The following GPR107 variants were observed in gnomAD, a reference collection of about 807,000 sequenced individuals.
The protein encoded by GPR107 is protein GPR107.
GPR107 carries 31 observed loss-of-function variants against 75.5 expected under a neutral mutation model. The ratio of observed to expected loss-of-function variants is 0.41; its 90% CI spans 0.31 to 0.55. GPR107 has a LOEUF of 0.55. Ranked by LOEUF, GPR107 falls within the 20% of genes least tolerant of loss-of-function variation. GPR107 has a pLI of 0.26. For synonymous variants in GPR107, 267 were observed against 251.3 expected (o/e 1.06, Z -0.59); for missense variants, 572 against 665.7 (o/e 0.86, Z 1.55).
intron 14 of GPR107, among the ~76,000 whole-genome samples, chr9:130,115,541 G>A (rs925199972): frequency 6.6e-5 from 10 of 151,898 alleles, no homozygotes; most frequent in South Asian, 2.1e-4. Context: ...GAGGTAGGTG[G>A]GTTGCTTGAG....
rs139865791 is a variant in GPR107 at position 130,139,860 on chromosome 9, G to T, written c.*4739G>T. ...CATGGGGGCTTTGACTCTTCAAACA[G>T]CTTTTGCAGATCGTAAATTGCATTT... On this transcript the variant is annotated 3_prime_UTR_variant, in exon 18 of 18. Transcript: ENST00000347136. 6.6e-6 allele frequency: 1 copy of T among 152,332 alleles called. No individual in the cohort carries two copies. Among genetic ancestry groups the T allele is most frequent in the African/African-American group, 2.4e-5 (1 of 41,568 alleles). The allele number at this position is 152,332 out of a possible 1,614,324, so 9.4% of individuals were successfully genotyped here.
In GPR107 at chr9:130,131,421, C is replaced by G. The variant is rs545881762; in HGVS notation, c.1562+2660C>G. ...TCTCCTTGAGTTCACTTCTGCCACT[C>G]CCAGTCCTGGCCACACACTGAAGCT... On this transcript the variant is annotated intron_variant, in intron 17 of 17. Transcript: ENST00000347136. 4.6e-5 allele frequency among the ~76,000 whole-genome samples: 7 copies of G among 152,210 alleles called. No individual in the cohort carries two copies. In the East Asian group the frequency reaches 1.4e-3, roughly 29 times the overall value.
intron 14 of GPR107, among the ~76,000 whole-genome samples, chr9:130,111,390 G>T (rs1397300429): frequency 1.3e-5 from 2 of 152,030 alleles, no homozygotes; most frequent in African/African-American, 4.8e-5. Flanking sequence ...AAATTATCGG[G>T]GCTTGATGGC....
rs1831600268 is a variant in GPR107 at position 130,123,520 on chromosome 9, CT to C, written c.1307-1391del. Among the ~76,000 whole-genome samples the C allele has an allele frequency of 5.1e-5, 2 of 39,256 alleles. 1 individual carries two copies. Among genetic ancestry groups the C allele is most frequent in the Middle Eastern group, 0.026 (2 of 76 alleles). 25.8% of individuals were successfully genotyped at this position (39,256 alleles called of 152,430 possible). ...CCCGGCCTATTTCTTTTTTTTCTTT[CT>C]TTTCTTTTCTTTTTTTTTTTTTTTT... On this transcript the variant is annotated intron_variant, in intron 14 of 17. Transcript: ENST00000347136.
chr9:130,097,508 A>C (rs1040632158), intron 9 of GPR107, among the ~76,000 whole-genome samples: 1 of 152,044 alleles, frequency 6.6e-6, no homozygotes, highest in South Asian at 2.1e-4. Flanking sequence ...ATATAGGTTT[A>C]TACGTCTACC....
Position 130,077,389 on chromosome 9 carries a change from C to T in GPR107, c.386+11C>T. 7.6e-7 allele frequency: 1 copy of T among 1,317,850 alleles called. No individual in the cohort carries two copies. The highest frequency in any genetic ancestry group is 1.1e-6 in the Non-Finnish European group (1 of 909,154). 81.6% of individuals were successfully genotyped at this position (1,317,850 alleles called of 1,614,324 possible). A position where few individuals can be genotyped will look rare whatever the true frequency, so the allele number is the denominator to read the frequency against. ...CATCTCCAGAAGTGAGTAAGTAATT[C>T]TAAAGTTCCTTCAGTTCAGTCCTAG... On this transcript the variant is annotated intron_variant, in intron 4 of 17. Transcript: ENST00000347136.
intron 14 of GPR107, among the ~76,000 whole-genome samples, chr9:130,119,147 T>C (rs1831493306): frequency 6.6e-6 from 1 of 152,208 alleles, no homozygotes; most frequent in Non-Finnish European, 1.5e-5. Context: ...GACCCCAGGC[T>C]GCGACCTGCT....
intron 1 of GPR107, among the ~76,000 whole-genome samples, chr9:130,056,692 G>A (rs1285808268): frequency 1.3e-5 from 2 of 151,862 alleles, no homozygotes; most frequent in Non-Finnish European, 1.5e-5. Context: ...TTGGGAGGCC[G>A]AGATGGGCGG....
At chr9:130,130,888 A>AAC (rs797038889) in intron 17 of GPR107, among the ~76,000 whole-genome samples, 60 of 151,190 alleles carry the variant, frequency 4.0e-4, no homozygotes, top group African/African-American at 1.4e-3. Context: ...AAAAAAAAAA[A>AAC]AAAAACGCAT....
At position 130,076,476 on chromosome 9, in the gene GPR107, G is replaced by A. The variant is rs757854714; in HGVS notation, c.306+14G>A. ...TCTTCTTACCTGGTGAGTATTAAATGTGTGACCTGATTCATCTCTTCACCT... is the reference window on the plus strand; with the variant it reads ...TCTTCTTACCTGGTGAGTATTAAATATGTGACCTGATTCATCTCTTCACCT... On this transcript the variant is annotated intron_variant, in intron 3 of 17. Coordinates refer to ENST00000347136, the MANE Select transcript of GPR107 (RefSeq NM_020960.5). The A allele has an allele frequency of 2.0e-6, 3 of 1,507,378 alleles. No individual in the cohort carries two copies. The Admixed American group carries it at 5.0e-5, about 25-fold the overall frequency. 93.4% of individuals were successfully genotyped at this position (1,507,378 alleles called of 1,614,324 possible).
chr9:130,117,214 T>C (rs1037242116), intron 14 of GPR107, among the ~76,000 whole-genome samples: 3 of 152,128 alleles, frequency 2.0e-5, no homozygotes, highest in African/African-American at 7.2e-5. Flanking sequence ...CCCATAGTGC[T>C]GAGATTACAG....
At chr9:130,099,260 A>T (rs1173826104) in intron 9 of GPR107, among the ~76,000 whole-genome samples, 197 bp from the exon 10 acceptor site, 1 of 151,922 alleles carries the variant, frequency 6.6e-6, no homozygotes, top group Non-Finnish European at 1.5e-5. Flanking sequence ...GGCTGCAGTG[A>T]GCCGTGATGA....
At chr9:130,082,860 G>A (rs540893421) in intron 5 of GPR107, among the ~76,000 whole-genome samples, 2 of 152,124 alleles carry the variant, frequency 1.3e-5, no homozygotes, top group East Asian at 3.9e-4. Context: ...CTTGCTGTAG[G>A]GAGGAAAGTA....
chr9:130,065,172 C>T (rs532777763), intron 1 of GPR107, among the ~76,000 whole-genome samples: 52 of 152,256 alleles, frequency 3.4e-4, no homozygotes, highest in South Asian at 2.9e-3. Context: ...TATTCGCAGC[C>T]GGGCACGGTG....
chr9:130,125,179 A>T (rs567885098), intron 15 of GPR107, among the ~76,000 whole-genome samples: 7 of 134,280 alleles, frequency 5.2e-5, no homozygotes, highest in Non-Finnish European at 9.3e-5. Context: ...GCTCACTGCA[A>T]TCTCCACTTC....
At chr9:130,066,986 C>CAA (rs756449761) in intron 1 of GPR107, among the ~76,000 whole-genome samples, 1 of 120,134 alleles carries the variant, frequency 8.3e-6, no homozygotes, top group Non-Finnish European at 1.8e-5. Context: ...ACTCCGTCTC[C>CAA]AAAAAAAAAA....
intron 2 of GPR107, 69 bp from the exon 3 acceptor site, chr9:130,076,343 G>T: frequency 3.1e-6 from 3 of 971,280 alleles, no homozygotes; most frequent in South Asian, 1.3e-5. Context: ...CACTTTTTCT[G>T]CTTTTTGAGT....
intron 7 of GPR107, among the ~76,000 whole-genome samples, chr9:130,086,766 C>CCCCA (rs1354196626): frequency 1.3e-5 from 2 of 152,030 alleles, no homozygotes; most frequent in Non-Finnish European, 2.9e-5. Context: ...GACCCCTTTG[C>CCCCA]CCCAATCCCA....
At chr9:130,095,989 A>G (rs995044545) in intron 9 of GPR107, among the ~76,000 whole-genome samples, 8 of 152,236 alleles carry the variant, frequency 5.3e-5, no homozygotes, top group African/African-American at 7.2e-5. Flanking sequence ...GTGTCACCCA[A>G]CAGACCTGGG....
Sources: allele counts gnomAD v4.1 joint callset (sites outside exome capture counted in the v4.1 genomes callset), GRCh38; gene constraint gnomAD v4.1.1; transcripts MANE v1.5; gene names NCBI Gene and HGNC (gene_info 2026-07-23, HGNC 2026-07-21).